GREM1: variants seen among roughly 807,000 people sequenced by gnomAD.
The protein encoded by GREM1 is gremlin-1.
Under a neutral mutation model 13.1 loss-of-function variants are expected in GREM1, and 6 were observed. That is an observed-to-expected ratio of 0.46 (90% CI 0.25 to 0.91). GREM1 has a LOEUF of 0.91. Ranked by LOEUF, GREM1 falls within the 40% of genes least tolerant of loss-of-function variation. The probability of loss-of-function intolerance (pLI) is 0.18; values close to 1 mark genes in which losing one functional copy is unlikely to be tolerated. For synonymous variants in GREM1, 98 were observed against 93.7 expected, an observed-to-expected ratio of 1.05 and a Z score of -0.27; for missense variants, 185 against 233.9, an observed-to-expected ratio of 0.79 and a Z score of 1.36.
At position 32,739,618 on chromosome 15, in the gene GREM1, C is replaced by T. The variant is rs975920144; in HGVS notation, c.*8373C>T. The T allele has an allele frequency of 6.6e-6, 1 of 151,930 alleles. No individual in the cohort carries two copies. Among genetic ancestry groups the T allele is most frequent in the East Asian group, 1.9e-4 (1 of 5,190 alleles). 9.4% of individuals were successfully genotyped at this position (151,930 alleles called of 1,614,324 possible). On this transcript the variant is annotated 3_prime_UTR_variant, in exon 2 of 2. Transcript: ENST00000651154. Reference sequence around the variant, plus strand: ...TTGTATTAGCAAATGCTGGACCCTTCTTCAATCCACAAACACATCTATTCT... The same window carrying T: ...TTGTATTAGCAAATGCTGGACCCTTTTTCAATCCACAAACACATCTATTCT...
Position 32,730,789 on chromosome 15 carries a change from C to G in GREM1, c.99C>G (p.Ile33Met). 1 of 1,613,514 alleles carries G rather than the reference C, an allele frequency of 6.2e-7. No homozygotes were observed. Among genetic ancestry groups the G allele is most frequent in the African/African-American group, 1.3e-5 (1 of 74,986 alleles). Reference sequence around the variant, plus strand: ...AAAAGAAAGGGTCCCAAGGTGCCATCCCCCCGCCAGACAAGGCCCAGCACA... The same window carrying G: ...AAAAGAAAGGGTCCCAAGGTGCCATGCCCCCGCCAGACAAGGCCCAGCACA... Reference protein sequence around the residue: ...EGKKKGSQGAIPPPDKAQHND... With the variant: ...EGKKKGSQGAMPPPDKAQHND... Residue 33 changes from isoleucine (I) to methionine (M), a missense_variant, in exon 2 of 2, where the codon ATC (isoleucine) becomes ATG (methionine). By Grantham distance (10) the Ile-to-Met change is conservative (BLOSUM62 1). Coordinates refer to ENST00000651154, the MANE Select transcript of GREM1 (RefSeq NM_013372.7).
At chr15:32,725,457 T>G (rs979368725) in intron 1 of GREM1, among the ~76,000 whole-genome samples, 1 of 152,238 alleles carries the variant, frequency 6.6e-6, no homozygotes, top group Non-Finnish European at 1.5e-5. Context: ...TCTGTTCATA[T>G]CCTTTGCCCA....
At position 32,731,092 on chromosome 15, in the gene GREM1, G is replaced by A. The variant is rs199522589; in HGVS notation, c.402G>A (p.Glu134=). The A allele has an allele frequency of 1.2e-6, 2 of 1,614,214 alleles. No individual in the cohort carries two copies. The highest frequency in any genetic ancestry group is 1.7e-6 in the Non-Finnish European group (2 of 1,180,040). ...ACATCCCCAGGCACATCCGGAAGGA[G>A]GAAGGTTCCTTTCAGTCCTGCTCCT... ...SFYIPRHIRK[E]EGSFQSCSFC... is the part of the protein sequence containing the mutation. Residue 134 remains glutamate, a synonymous_variant, in exon 2 of 2, where the codon GAG becomes GAA. Coordinates refer to ENST00000651154, the MANE Select transcript of GREM1 (RefSeq NM_013372.7).
rs1243755202 is a variant in GREM1 at position 32,743,005 on chromosome 15, T to C, written c.*11760T>C. 1 of 152,068 alleles carries C rather than the reference T, an allele frequency of 6.6e-6. No individual in the cohort carries two copies. Among genetic ancestry groups the C allele is most frequent in the Non-Finnish European group, 1.5e-5 (1 of 68,000 alleles). The allele number at this position is 152,068 out of a possible 1,614,324, so 9.4% of individuals were successfully genotyped here. A position where few individuals can be genotyped will look rare whatever the true frequency, so the allele number is the denominator to read the frequency against. On this transcript the variant is annotated 3_prime_UTR_variant, in exon 2 of 2. Coordinates refer to ENST00000651154, the MANE Select transcript of GREM1 (RefSeq NM_013372.7). ...AAAGCACAGGTAATAAAAACAAAAATAGACAAATGGGACTACCTCAAATTA... is the reference window on the plus strand; with the variant it reads ...AAAGCACAGGTAATAAAAACAAAAACAGACAAATGGGACTACCTCAAATTA...
chr15:32,729,786 TAC>T (rs1320732115), intron 1 of GREM1, among the ~76,000 whole-genome samples: 1 of 152,214 alleles, frequency 6.6e-6, no homozygotes, highest in African/African-American at 2.4e-5. Flanking sequence ...AAATTGTATA[TAC>T]ACAGACACAT....
intron 1 of GREM1, among the ~76,000 whole-genome samples, chr15:32,729,001 ACTTT>A (rs2055563712): frequency 6.6e-6 from 1 of 150,774 alleles, no homozygotes; most frequent in South Asian, 2.1e-4. Context: ...TATTGTCTGC[ACTTT>A]CTTTTTTTTT....
intron 1 of GREM1, among the ~76,000 whole-genome samples, chr15:32,725,904 CA>C (rs1373812895): frequency 6.6e-6 from 1 of 152,162 alleles, no homozygotes; most frequent in African/African-American, 2.4e-5. Flanking sequence ...ATCCTTTCCC[CA>C]TTGCTTGTTT....
rs2055742956 is a variant in GREM1, at chr15:32,739,468, A to G, written c.*8223A>G. ...AGGCAGCAGCCCTAAACCTTTTTCT[A>G]TAATCCTGATAGTGATTACCACCTA... On this transcript the variant is annotated 3_prime_UTR_variant, in exon 2 of 2. Coordinates refer to ENST00000651154, the MANE Select transcript of GREM1 (RefSeq NM_013372.7). 1 of 152,214 alleles carries G rather than the reference A, an allele frequency of 6.6e-6. No homozygotes were observed. The highest frequency in any genetic ancestry group is 6.5e-5 in the Admixed American group (1 of 15,280). 9.4% of individuals were successfully genotyped at this position (152,214 alleles called of 1,614,324 possible).
intron 1 of GREM1, among the ~76,000 whole-genome samples, chr15:32,720,078 CGT>C (rs370172363): frequency 8.0e-5 from 12 of 150,910 alleles, no homozygotes; most frequent in East Asian, 3.9e-4. Context: ...AGTATGTGTG[CGT>C]GTGTGTGTGT....
rs537156075 is a variant in GREM1 at position 32,738,609 on chromosome 15, C to T, written c.*7364C>T. The T allele has an allele frequency of 1.8e-3, 280 of 152,220 alleles. No individual in the cohort carries two copies. Among genetic ancestry groups the T allele is most frequent in the African/African-American group, 6.1e-3 (255 of 41,528 alleles). The allele number at this position is 152,220 out of a possible 1,614,324, so 9.4% of individuals were successfully genotyped here. A position where few individuals can be genotyped will look rare whatever the true frequency, so the allele number is the denominator to read the frequency against. On this transcript the variant is annotated 3_prime_UTR_variant, in exon 2 of 2. Coordinates refer to ENST00000651154, the MANE Select transcript of GREM1 (RefSeq NM_013372.7). The stretch of plus-strand genomic sequence containing the variant: ...TTCATAAGAAATTGAAAGGGATCCA[C>T]AATAGCCAAAATAATCTTAAAAAAG...
rs1172076025 is a variant in GREM1 at position 32,732,479 on chromosome 15, T to G, written c.*1234T>G. On this transcript the variant is annotated 3_prime_UTR_variant, in exon 2 of 2. Transcript: ENST00000651154. ...TTTTGTTTTAACTATTGTCAGGAGA[T>G]TGGGCTAAAGAGAAGACGACGAGAG... 1 of 245,108 alleles carries G rather than the reference T, an allele frequency of 4.1e-6. No individual in the cohort carries two copies. The highest frequency in any genetic ancestry group is 8.6e-6 in the Non-Finnish European group (1 of 116,302). 15.2% of individuals were successfully genotyped at this position (245,108 alleles called of 1,614,324 possible).
chr15:32,729,322 CG>C (rs2055570927), intron 1 of GREM1, among the ~76,000 whole-genome samples: 1 of 152,174 alleles, frequency 6.6e-6, no homozygotes, highest in South Asian at 2.1e-4. Context: ...CCACTGCGCC[CG>C]GCCAATTGTC....
At position 32,730,780 on chromosome 15, in the gene GREM1, A is replaced by G; in HGVS notation, c.90A>G (p.Gln30=). ...CTGAAGGGAAAAAGAAAGGGTCCCAAGGTGCCATCCCCCCGCCAGACAAGG... is the reference window on the plus strand; with the variant it reads ...CTGAAGGGAAAAAGAAAGGGTCCCAGGGTGCCATCCCCCCGCCAGACAAGG... The part of the protein sequence containing the change: ...PAAEGKKKGS[Q]GAIPPPDKAQ... The change falls in exon 2 of 2, where the codon CAA becomes CAG. Residue 30 remains glutamine, a synonymous_variant. Coordinates refer to ENST00000651154, the MANE Select transcript of GREM1 (RefSeq NM_013372.7). 1 of 1,613,676 alleles carries G rather than the reference A, an allele frequency of 6.2e-7. No individual in the cohort carries two copies. The highest frequency in any genetic ancestry group is 8.5e-7 in the Non-Finnish European group (1 of 1,179,938).
At position 32,740,743 on chromosome 15, in the gene GREM1, G is replaced by A. The variant is rs1316171661; in HGVS notation, c.*9498G>A. On this transcript the variant is annotated 3_prime_UTR_variant, in exon 2 of 2. Transcript: ENST00000651154. ...AACATTCTGATCCAAGAAGCCCAAAGGTCATAAAAAAGTGATCCCAAAGCC... is the reference window on the plus strand; with the variant it reads ...AACATTCTGATCCAAGAAGCCCAAAAGTCATAAAAAAGTGATCCCAAAGCC... 1 of 152,102 alleles carries A rather than the reference G, an allele frequency of 6.6e-6. No homozygotes were observed. Among genetic ancestry groups the A allele is most frequent in the Non-Finnish European group, 1.5e-5 (1 of 68,008 alleles). 9.4% of individuals were successfully genotyped at this position (152,102 alleles called of 1,614,324 possible). A position where few individuals can be genotyped will look rare whatever the true frequency, so the allele number is the denominator to read the frequency against.
Position 32,737,277 on chromosome 15 carries a change from A to G in GREM1, c.*6032A>G, listed in dbSNP as rs1279772248. The G allele has an allele frequency of 6.6e-6, 1 of 152,222 alleles. No homozygotes were observed. Among genetic ancestry groups the G allele is most frequent in the East Asian group, 1.9e-4 (1 of 5,196 alleles). The allele number at this position is 152,222 out of a possible 1,614,324, so 9.4% of individuals were successfully genotyped here. A position where few individuals can be genotyped will look rare whatever the true frequency, so the allele number is the denominator to read the frequency against. Reference sequence around the variant, plus strand: ...AACACTTTCCACCTTATTTTCTATAACTAGTATTACCTTGATACCAAATTC... The same window carrying G: ...AACACTTTCCACCTTATTTTCTATAGCTAGTATTACCTTGATACCAAATTC... On this transcript the variant is annotated 3_prime_UTR_variant, in exon 2 of 2. Transcript: ENST00000651154.
chr15:32,727,948 A>C (rs2055543782), intron 1 of GREM1, among the ~76,000 whole-genome samples: 1 of 152,232 alleles, frequency 6.6e-6, no homozygotes, highest in Non-Finnish European at 1.5e-5. Context: ...GGACCTCTTC[A>C]AGGAGAACTA....
intron 1 of GREM1, among the ~76,000 whole-genome samples, chr15:32,722,169 A>G (rs1363739372): frequency 1.3e-5 from 2 of 152,248 alleles, no homozygotes; most frequent in African/African-American, 4.8e-5. Flanking sequence ...TATCTTCTTA[A>G]AAGTTAAAGA....
At chr15:32,729,111 A>C (rs2055566119) in intron 1 of GREM1, among the ~76,000 whole-genome samples, 1 of 149,344 alleles carries the variant, frequency 6.7e-6, no homozygotes, top group Non-Finnish European at 1.5e-5. Context: ...GCAAGCTCTG[A>C]CTCCCGGGTT....
chr15:32,718,241 C>T (rs1177395213), intron 1 of GREM1, 80 bp downstream of exon 1: 3 of 1,116,492 alleles, frequency 2.7e-6, no homozygotes, highest in Non-Finnish European at 3.7e-6. Flanking sequence ...CCGCTCAGTT[C>T]CACGCGCGGC....
Sources: gnomAD v4.1 joint callset for allele counts (sites outside exome capture counted in the v4.1 genomes callset) on GRCh38, gnomAD v4.1.1 for gene constraint, MANE v1.5 for transcripts, NCBI Gene and HGNC (gene_info 2026-07-23, HGNC 2026-07-21) for gene names.